Variants in SRSF3 observed in about 807,000 individuals in gnomAD.
SRSF3 encodes serine and arginine rich splicing factor 3.
For synonymous variants in SRSF3, 87 were observed against 73.6 expected (o/e 1.18, Z -0.93); for missense variants, 58 against 217.1 (o/e 0.27, Z 4.61).
intron 2 of SRSF3, among the ~76,000 whole-genome samples, chr6:36,597,766 T>A (rs1224772049): frequency 6.6e-6 from 1 of 151,956 alleles, no homozygotes; most frequent in African/African-American, 2.4e-5. Context: ...TTATCTAAAT[T>A]TAATGACTGG....
chr6:36,604,096 A>G lies in SRSF3; in HGVS notation c.*2107A>G, dbSNP rs1301438572. On this transcript the variant is annotated 3_prime_UTR_variant, in exon 6 of 6. Coordinates refer to ENST00000373715, the MANE Select transcript of SRSF3 (RefSeq NM_003017.5). ...TAAAAGCTTTGAATTGCACATTTAG[A>G]TTGTGGCTATTAGGAATTTTTAAAG... is the stretch of plus-strand genomic sequence containing the variant. 1 of 225,634 alleles carries G rather than the reference A, an allele frequency of 4.4e-6. No homozygotes were observed. 14.0% of individuals were successfully genotyped at this position (225,634 alleles called of 1,614,324 possible). A position where few individuals can be genotyped will look rare whatever the true frequency, so the allele number is the denominator to read the frequency against.
chr6:36,601,259 A>C (rs1778711435), intron 4 of SRSF3, 69 bp downstream of exon 4: 11 of 1,534,280 alleles, frequency 7.2e-6, no homozygotes, highest in African/African-American at 1.4e-5. Flanking sequence ...AAACTTTTCC[A>C]GGTGGCTTAG....
chr6:36,597,062 C>A, intron 2 of SRSF3, 94 bp downstream of exon 2: 5 of 880,132 alleles, frequency 5.7e-6, no homozygotes, highest in Non-Finnish European at 3.6e-6. Context: ...CTTTCCCAAT[C>A]ACTGGCCAAT....
chr6:36,599,421 G>A lies in SRSF3; in HGVS notation c.341+438G>A, dbSNP rs561047214. On this transcript the variant is annotated intron_variant, in intron 3 of 5. Coordinates refer to ENST00000373715, the MANE Select transcript of SRSF3 (RefSeq NM_003017.5). The stretch of plus-strand genomic sequence containing the variant: ...ACTGGTAAAGTAGAAATCATTCTGA[G>A]ACTAACTTAAGTCACTGACCAATAA... The A allele has an allele frequency of 6.2e-5, 12 of 193,592 alleles. No homozygotes were observed. The East Asian group carries it at 1.5e-3, about 24-fold the overall frequency. 12.0% of individuals were successfully genotyped at this position (193,592 alleles called of 1,614,324 possible).
At chr6:36,597,325 C>CG (rs1349107534) in intron 2 of SRSF3, 19 of 249,828 alleles carry the variant, frequency 7.6e-5, no homozygotes, top group Admixed American at 1.5e-4. Flanking sequence ...AGGCTGGTCT[C>CG]GAACTCCTGA....
chr6:36,597,473 A>T (rs1285713566), intron 2 of SRSF3, among the ~76,000 whole-genome samples: 1 of 152,124 alleles, frequency 6.6e-6, no homozygotes, highest in Non-Finnish European at 1.5e-5. Flanking sequence ...CAAAATGGTT[A>T]CATGGGTTGG....
chr6:36,601,688 A>T lies in SRSF3; in HGVS notation c.381-20A>T. The T allele has an allele frequency of 6.3e-7, 1 of 1,579,906 alleles. No homozygotes were observed. The highest frequency in any genetic ancestry group is 8.7e-7 in the Non-Finnish European group (1 of 1,153,600). ...ATTTTATCATACCTCATTGGTCCTA[A>T]TGTTTTTTTGCTTGTTTAGGTCCCT... On this transcript the variant is annotated intron_variant, in intron 4 of 5. Transcript: ENST00000373715.
intron 1 of SRSF3, among the ~76,000 whole-genome samples, chr6:36,595,782 T>C (rs1157415513): frequency 6.6e-6 from 1 of 152,248 alleles, no homozygotes; most frequent in Non-Finnish European, 1.5e-5. Flanking sequence ...ACTATGAGTT[T>C]ACATTTTTTA....
intron 2 of SRSF3, among the ~76,000 whole-genome samples, chr6:36,597,396 G>A (rs142213392): frequency 3.9e-4 from 60 of 152,018 alleles, no homozygotes; most frequent in Middle Eastern, 3.4e-3. Context: ...GGGAGCCACT[G>A]TGCCCAGCCA....
chr6:36,596,998 T>C (rs368599561), intron 2 of SRSF3, 30 bp downstream of exon 2: 1 of 1,604,014 alleles, frequency 6.2e-7, no homozygotes, highest in Non-Finnish European at 8.5e-7. Context: ...GATAAAAATG[T>C]GTTGCTTGTG....
chr6:36,599,068 GT>G, intron 3 of SRSF3, 85 bp downstream of exon 3: 2 of 1,513,608 alleles, frequency 1.3e-6, no homozygotes. Context: ...TTGTTGGTGG[GT>G]TTTAAACTTT....
intron 3 of SRSF3, chr6:36,600,356 C>A: frequency 1.2e-6 from 1 of 867,118 alleles, no homozygotes; most frequent in Non-Finnish European, 1.4e-6. Context: ...TTTTCTGGAT[C>A]AAAGGCTGGC....
chr6:36,604,336 G>C lies in SRSF3; in HGVS notation c.*2347G>C. On this transcript the variant is annotated 3_prime_UTR_variant, in exon 6 of 6. Coordinates refer to ENST00000373715, the MANE Select transcript of SRSF3 (RefSeq NM_003017.5). ...TCAAAGACACTGGCTGGATGTGGTG[G>C]CTCACACTTGTAATTCCTAGCACTT... 4.7e-6 allele frequency: 1 copy of C among 210,798 alleles called. No individual in the cohort carries two copies. Among genetic ancestry groups the C allele is most frequent in the Non-Finnish European group, 9.6e-6 (1 of 103,838 alleles). The allele number at this position is 210,798 out of a possible 1,614,324, so 13.1% of individuals were successfully genotyped here. A position where few individuals can be genotyped will look rare whatever the true frequency, so the allele number is the denominator to read the frequency against.
intron 2 of SRSF3, chr6:36,597,206 A>G (rs1778645346): frequency 1.9e-6 from 1 of 540,008 alleles, no homozygotes; most frequent in East Asian, 3.2e-5. Context: ...CCGGGGTTCA[A>G]GTGATTCTCC....
intron 2 of SRSF3, among the ~76,000 whole-genome samples, chr6:36,597,560 C>A (rs748219438): frequency 4.0e-4 from 61 of 152,092 alleles, no homozygotes; most frequent in Non-Finnish European, 8.1e-4. Flanking sequence ...TTAATAGTGT[C>A]CTGTTAGCTG....
intron 1 of SRSF3, 86 bp from the exon 2 acceptor site, chr6:36,596,675 C>T: frequency 3.3e-6 from 4 of 1,218,974 alleles, no homozygotes; most frequent in Non-Finnish European, 4.8e-6. Flanking sequence ...CTCTCTTGTC[C>T]TCTCTAATGG....
rs560002033 is a variant in SRSF3 at position 36,603,553 on chromosome 6, A to G, written c.*1564A>G. 1.8e-5 allele frequency: 4 copies of G among 227,862 alleles called. No individual in the cohort carries two copies. In the South Asian group the frequency reaches 7.3e-4, roughly 41 times the overall value. The allele number at this position is 227,862 out of a possible 1,614,324, so 14.1% of individuals were successfully genotyped here. On this transcript the variant is annotated 3_prime_UTR_variant, in exon 6 of 6. Coordinates refer to ENST00000373715, the MANE Select transcript of SRSF3 (RefSeq NM_003017.5). ...GTTCAAGCTAAATGGATACATTAAG[A>G]TACAGTTCCTAAACAAATTATTTAT...
chr6:36,596,568 GGGT>G (rs1778630902), intron 1 of SRSF3, among the ~76,000 whole-genome samples, 190 bp from the exon 2 acceptor site: 1 of 76,710 alleles, frequency 1.3e-5, no homozygotes. Context: ...TAATGGGGCG[GGGT>G]GGCGGGGGGG....
rs377712821 is a variant in SRSF3 at position 36,603,958 on chromosome 6, C to T, written c.*1969C>T. 124 of 230,538 alleles carry T rather than the reference C, an allele frequency of 5.4e-4. No homozygotes were observed. The highest frequency in any genetic ancestry group is 9.5e-4 in the Non-Finnish European group (111 of 116,568). The allele number at this position is 230,538 out of a possible 1,614,324, so 14.3% of individuals were successfully genotyped here. A position where few individuals can be genotyped will look rare whatever the true frequency, so the allele number is the denominator to read the frequency against. Reference sequence around the variant, plus strand: ...ACAGAACCTGAAATAAAAGTAACTTCACCAGGGAGTTATCCTGACTTAGGT... The same window carrying T: ...ACAGAACCTGAAATAAAAGTAACTTTACCAGGGAGTTATCCTGACTTAGGT... On this transcript the variant is annotated 3_prime_UTR_variant, in exon 6 of 6. Coordinates refer to ENST00000373715, the MANE Select transcript of SRSF3 (RefSeq NM_003017.5).
Sources: allele counts gnomAD v4.1 joint callset (sites outside exome capture counted in the v4.1 genomes callset), GRCh38; gene constraint gnomAD v4.1.1; transcripts MANE v1.5; gene names NCBI Gene and HGNC (gene_info 2026-07-23, HGNC 2026-07-21).